The following VPS8 variants were observed in gnomAD, a reference collection of about 807,000 sequenced individuals.
The protein encoded by VPS8 is vacuolar protein sorting-associated protein 8 homolog.
In VPS8, 129 loss-of-function variants were observed where a neutral mutation model predicts 216.4. The ratio of observed to expected loss-of-function variants is 0.60; its 90% CI spans 0.52 to 0.69. The LOEUF is 0.69. Among genes scored for constraint, VPS8 ranks in the 30% least tolerant of loss-of-function variants. The probability of loss-of-function intolerance (pLI) is 0.00; values close to 1 mark genes in which losing one functional copy is unlikely to be tolerated. For synonymous variants in VPS8, 571 were observed against 565.4 expected (o/e 1.01, Z -0.14); for missense variants, 1,531 against 1,683.5 (o/e 0.91, Z 1.59).
In VPS8 at chr3:184,853,907, C is replaced by G. The variant is rs899066836; in HGVS notation, c.872C>G (p.Ser291Cys). 3.1e-6 allele frequency: 5 copies of G among 1,606,276 alleles called. No individual in the cohort carries two copies. In the African/African-American group the frequency reaches 6.7e-5, roughly 21 times the overall value. The change falls in exon 12 of 48, where the codon TCC becomes TGC. Residue 291 changes from serine to cysteine, a missense_variant. This residue lies in a region of VPS8 where 1,318 missense variants were observed against 1,468.4 expected (regional missense o/e 0.90). Transcript: ENST00000625842. The part of the protein sequence containing the change: ...TCESRCLFSG[S>C]KGEVCCIEPL... ...GAATCTAGATGTCTGTTCAGTGGTT[C>G]CAAGGGTGAAGTCTGCTGTATTGAG...
Position 185,031,569 on chromosome 3 carries a change from C to A in VPS8, c.4056+7180C>A, listed in dbSNP as rs574070228. On this transcript the variant is annotated intron_variant, in intron 46 of 47. Transcript: ENST00000625842. ...GCTGGAGTCTAGTTGCCTTTAGACA[C>A]CTGGAGGGCAATGATCTGGAGGACA... Among the ~76,000 whole-genome samples the A allele has an allele frequency of 2.0e-5, 3 of 152,250 alleles. No homozygotes were observed. The East Asian group carries it at 5.8e-4, about 29-fold the overall frequency.
intron 26 of VPS8, 143 bp from the exon 27 acceptor site, chr3:184,914,838 G>A: frequency 1.3e-6 from 1 of 780,728 alleles, no homozygotes; most frequent in Non-Finnish European, 2.1e-6. Context: ...ATCTTGACCT[G>A]CTTTGGAACT....
At chr3:184,872,493 A>G (rs1335729480) in intron 21 of VPS8, among the ~76,000 whole-genome samples, 2 of 151,958 alleles carry the variant, frequency 1.3e-5, no homozygotes, top group Admixed American at 1.3e-4. Flanking sequence ...ATGCATTACT[A>G]CTAACAGATG....
At chr3:184,826,094 A>G (rs753560223) in intron 2 of VPS8, 69 bp from the exon 3 acceptor site, 1 of 1,176,342 alleles carries the variant, frequency 8.5e-7, no homozygotes, top group Admixed American at 2.3e-5. Flanking sequence ...GTTTTAATCA[A>G]CTAAAACCCC....
chr3:184,992,685 G>A (rs1194723003), intron 42 of VPS8, among the ~76,000 whole-genome samples: 1 of 151,972 alleles, frequency 6.6e-6, no homozygotes, highest in Non-Finnish European at 1.5e-5. Flanking sequence ...CTCCTATTTG[G>A]CATGGAAAAG....
intron 39 of VPS8, among the ~76,000 whole-genome samples, chr3:184,967,527 C>CA (rs1383784833): frequency 2.0e-5 from 3 of 151,726 alleles, no homozygotes; most frequent in South Asian, 2.1e-4. Context: ...CTTGATATTT[C>CA]AAAAAAAATT....
At chr3:184,835,079 G>GT (rs369827119) in intron 5 of VPS8, 4,211 of 156,714 alleles carry the variant, frequency 0.027, 127 homozygotes, top group African/African-American at 0.085. Flanking sequence ...TTGTGTGCTT[G>GT]TTTTTTTTTT....
In VPS8 at chr3:185,037,263, G is replaced by GT. The variant is rs199626804; in HGVS notation, c.4057-11210dup. On this transcript the variant is annotated intron_variant, in intron 46 of 47. Transcript: ENST00000625842. ...CTGGATATAGAAATCTTAGTGGGCA[G>GT]TTTTTTCTTCAAACATTTTGAATAT... Among the ~76,000 whole-genome samples, 949 of 152,116 alleles carry GT rather than the reference G, an allele frequency of 6.2e-3. 8 individuals are homozygous for GT. Among genetic ancestry groups the GT allele is most frequent in the African/African-American group, 0.021 (881 of 41,536 alleles).
intron 46 of VPS8, among the ~76,000 whole-genome samples, chr3:185,047,064 A>AC (rs1310607637): frequency 8.5e-5 from 13 of 152,052 alleles, no homozygotes; most frequent in African/African-American, 2.9e-4. Context: ...CACTCGGCAT[A>AC]CCCTCTCCTG....
intron 44 of VPS8, among the ~76,000 whole-genome samples, chr3:184,997,013 A>C (rs917675016): frequency 8.5e-5 from 13 of 152,226 alleles, no homozygotes; most frequent in Non-Finnish European, 1.3e-4. Flanking sequence ...TTTGTCTTGC[A>C]CGTGTTAGGT....
chr3:185,016,645 G>A (rs757680092), intron 45 of VPS8, among the ~76,000 whole-genome samples: 17 of 152,292 alleles, frequency 1.1e-4, no homozygotes, highest in South Asian at 6.2e-4. Flanking sequence ...GAATCATAGC[G>A]GGAGAAGGCA....
At chr3:184,818,026 TAAATG>T (rs892693806) in intron 1 of VPS8, among the ~76,000 whole-genome samples, 1 of 151,706 alleles carries the variant, frequency 6.6e-6, no homozygotes, top group Non-Finnish European at 1.5e-5. Context: ...GGAAGTTAGA[TAAATG>T]TAGAGAAAAA....
chr3:185,014,508 C>CTA (rs1755509697), intron 45 of VPS8, among the ~76,000 whole-genome samples: 1 of 152,156 alleles, frequency 6.6e-6, no homozygotes, highest in East Asian at 1.9e-4. Flanking sequence ...ATTATTTTAC[C>CTA]TATTTGCCAA....
chr3:184,903,057 TG>T (rs1225849882), intron 25 of VPS8, among the ~76,000 whole-genome samples: 1 of 152,194 alleles, frequency 6.6e-6, no homozygotes, highest in African/African-American at 2.4e-5. Context: ...TTATTTTCAT[TG>T]AATTACCTTG....
chr3:184,959,885 A>G (rs938194102), intron 37 of VPS8, among the ~76,000 whole-genome samples: 9 of 151,854 alleles, frequency 5.9e-5, no homozygotes, highest in African/African-American at 2.2e-4. Flanking sequence ...CATGTGCACA[A>G]CGTGCAGGTT....
chr3:184,816,862 C>T (rs1330341182), intron 1 of VPS8, among the ~76,000 whole-genome samples: 1 of 152,084 alleles, frequency 6.6e-6, no homozygotes, highest in Non-Finnish European at 1.5e-5. Context: ...CACTGTGAAG[C>T]AAGAAGTTAT....
intron 4 of VPS8, among the ~76,000 whole-genome samples, chr3:184,834,141 G>A (rs895330081): frequency 3.3e-5 from 5 of 152,184 alleles, no homozygotes; most frequent in South Asian, 4.1e-4. Flanking sequence ...CAGGAAAGGT[G>A]AGCAAGGGTA....
chr3:185,041,292 T>C (rs1711568848), intron 46 of VPS8, among the ~76,000 whole-genome samples: 1 of 152,230 alleles, frequency 6.6e-6, no homozygotes, highest in Admixed American at 6.5e-5. Flanking sequence ...CCCATGCTAA[T>C]GCAACTGAGA....
In VPS8 at chr3:184,974,514, C is replaced by A. The variant is rs185332236; in HGVS notation, c.3420+2762C>A. On this transcript the variant is annotated intron_variant, in intron 40 of 47. Coordinates refer to ENST00000625842, the MANE Select transcript of VPS8 (RefSeq NM_001009921.3). ...TCTCTCATTGTACATGTTGTCTCTT[C>A]ACTCTTTGGATCATTTCCTTGCTGT... Among the ~76,000 whole-genome samples the A allele has an allele frequency of 3.9e-5, 6 of 152,188 alleles. No individual in the cohort carries two copies. In the East Asian group the frequency reaches 1.2e-3, roughly 29 times the overall value.
Sources: allele counts gnomAD v4.1 joint callset (sites outside exome capture counted in the v4.1 genomes callset), GRCh38; gene constraint gnomAD v4.1.1; regional missense constraint gnomAD v4.1.1; transcripts MANE v1.5; gene names NCBI Gene and HGNC (gene_info 2026-07-23, HGNC 2026-07-21).